The following COPB2 variants were observed in gnomAD, a reference collection of about 807,000 sequenced individuals.
COPB2 encodes the protein coat protein complex I subunit beta 2.
COPB2 carries 16 observed loss-of-function variants against 120.8 expected under a neutral mutation model. That is an observed-to-expected ratio of 0.13 (90% confidence interval 0.09 to 0.20). The LOEUF is 0.20. Ranked by LOEUF, COPB2 falls within the 10% of genes least tolerant of loss-of-function variation. The probability of loss-of-function intolerance (pLI) is 1.00; values close to 1 mark genes in which losing one functional copy is unlikely to be tolerated. For missense variants in COPB2, 794 were observed against 1,076.5 expected (o/e 0.74, Z 3.67); for synonymous variants, 332 against 366.3 (o/e 0.91, Z 1.07).
At position 139,357,591 on chromosome 3, in the gene COPB2, T is replaced by C. The variant is rs1941313579; in HGVS notation, c.*272A>G. The C allele has an allele frequency of 7.1e-6, 2 of 280,850 alleles. No homozygotes were observed. Among genetic ancestry groups the C allele is most frequent in the Non-Finnish European group, 1.3e-5 (2 of 152,698 alleles). The allele number at this position is 280,850 out of a possible 1,614,324, so 17.4% of individuals were successfully genotyped here. A position where few individuals can be genotyped will look rare whatever the true frequency, so the allele number is the denominator to read the frequency against. ...TTGAGAAAGGAAACAAGTACCTTCA[T>C]TAATTCAAAAGGTTTTATGAGATAT... On this transcript the variant is annotated 3_prime_UTR_variant, in exon 22 of 22. Coordinates refer to ENST00000333188, the MANE Select transcript of COPB2 (RefSeq NM_004766.3).
In COPB2 at chr3:139,362,514, A is replaced by G; in HGVS notation, c.1888T>C (p.Phe630Leu). The change falls in exon 16 of 22, where the codon TTC (phenylalanine) becomes CTC (leucine). Residue 630 changes from phenylalanine (F) to leucine (L), a missense_variant. Phe to Leu is a conservative substitution (Grantham distance 22, BLOSUM62 0). Coordinates refer to ENST00000333188, the MANE Select transcript of COPB2 (RefSeq NM_004766.3). The part of the protein sequence containing the change: ...RVAHFLEKQG[F>L]KQQALTVSTD... The stretch of plus-strand genomic sequence containing the variant: ...GATACTGTAAGAGCTTGCTGCTTGA[A>G]GCCCTAAACAGATTTTTAAAAATTA... 1 of 1,591,318 alleles carries G rather than the reference A, an allele frequency of 6.3e-7. No individual in the cohort carries two copies. The highest frequency in any genetic ancestry group is 1.2e-5 in the South Asian group (1 of 85,982).
At chr3:139,368,472 A>G (rs1161220838) in intron 12 of COPB2, among the ~76,000 whole-genome samples, 184 bp from the exon 13 acceptor site, 1 of 152,232 alleles carries the variant, frequency 6.6e-6, no homozygotes, top group Non-Finnish European at 1.5e-5. Flanking sequence ...TATTTAGCCT[A>G]GCAATGGAAA....
At chr3:139,358,528 AATT>A (rs1226801984) in intron 20 of COPB2, 1 of 600,650 alleles carries the variant, frequency 1.7e-6, no homozygotes, top group African/African-American at 1.9e-5. Flanking sequence ...AATACAAAAA[AATT>A]AGCCGGACCG....
chr3:139,374,339 C>T, intron 7 of COPB2, 150 bp downstream of exon 7: 1 of 587,880 alleles, frequency 1.7e-6, no homozygotes, highest in East Asian at 2.9e-5. Flanking sequence ...GAAAATAATG[C>T]CCCTTTACTC....
At chr3:139,370,189 T>C (rs149641505) in intron 10 of COPB2, among the ~76,000 whole-genome samples, 57 of 152,354 alleles carry the variant, frequency 3.7e-4, no homozygotes, top group African/African-American at 1.3e-3. Context: ...ACATGAACAG[T>C]AGTCCTCCCT....
At chr3:139,373,878 G>A (rs1941669592) in intron 7 of COPB2, 70 bp from the exon 8 acceptor site, 1 of 1,569,764 alleles carries the variant, frequency 6.4e-7, no homozygotes, top group Non-Finnish European at 8.7e-7. Flanking sequence ...AGGTGAAAGA[G>A]ACCCATAGAA....
Position 139,373,343 on chromosome 3 carries a change from C to T in COPB2, c.964G>A (p.Val322Ile). The T allele has an allele frequency of 6.2e-7, 1 of 1,614,194 alleles. No individual in the cohort carries two copies. The highest frequency in any genetic ancestry group is 8.5e-7 in the Non-Finnish European group (1 of 1,180,034). The change falls in exon 9 of 22, where the codon GTC becomes ATC. Residue 322 changes from valine to isoleucine, a missense_variant. Around this residue, in one of 3 missense-constraint regions of COPB2, gnomAD observed 610 missense variants for 866.7 expected, o/e 0.70. Coordinates refer to ENST00000333188, the MANE Select transcript of COPB2 (RefSeq NM_004766.3). ...ATTGCTTTTAGGTTGGCCTGCTGGA[C>T]TTCTGAATGCTTGGCCCAAATTATC... The part of the protein sequence containing the change: ...GKIIWAKHSE[V>I]QQANLKAMGD...
At chr3:139,359,824 A>G (rs1941376877) in intron 17 of COPB2, among the ~76,000 whole-genome samples, 1 of 152,028 alleles carries the variant, frequency 6.6e-6, no homozygotes, top group Non-Finnish European at 1.5e-5. Flanking sequence ...AAGTTTTATG[A>G]TGTGGACAAT....
chr3:139,382,554 T>C (rs1297634722), intron 2 of COPB2: 1 of 152,266 alleles, frequency 6.6e-6, no homozygotes, highest in East Asian at 1.9e-4. Flanking sequence ...TATAAAGGTG[T>C]TTTTAGGTTT....
intron 12 of COPB2, 41 bp from the exon 13 acceptor site, chr3:139,368,329 T>C: frequency 6.3e-7 from 1 of 1,583,768 alleles, no homozygotes; most frequent in Non-Finnish European, 8.6e-7. Context: ...TTTGGATTTC[T>C]GAGTGGATAT....
Position 139,389,565 on chromosome 3 carries a change from A to G in COPB2, c.-15T>C. The G allele has an allele frequency of 6.4e-7, 1 of 1,574,634 alleles. No homozygotes were observed. Among genetic ancestry groups the G allele is most frequent in the Non-Finnish European group, 8.7e-7 (1 of 1,153,212 alleles). ...GGACCTACCATGGCTGCGTCGGTCC[A>G]ATCCCGGGAACCCTCGTTTGTTACC... is the stretch of plus-strand genomic sequence containing the variant. On this transcript the variant is annotated 5_prime_UTR_variant, in exon 1 of 22. Coordinates refer to ENST00000333188, the MANE Select transcript of COPB2 (RefSeq NM_004766.3).
At chr3:139,379,488 C>A in intron 2 of COPB2, 22 bp from the exon 3 acceptor site, 1 of 1,592,600 alleles carries the variant, frequency 6.3e-7, no homozygotes, top group Non-Finnish European at 8.6e-7. Context: ...AACAAGAATA[C>A]ACAAATTGAG....
intron 7 of COPB2, 191 bp downstream of exon 7, chr3:139,374,292 TGATGAC>T (rs1206049076): frequency 5.8e-6 from 3 of 518,282 alleles, no homozygotes; most frequent in South Asian, 4.8e-5. Flanking sequence ...TACATGAGAA[TGATGAC>T]GATGATGATG....
intron 1 of COPB2, among the ~76,000 whole-genome samples, chr3:139,388,842 T>C (rs894975894): frequency 6.6e-6 from 1 of 151,820 alleles, no homozygotes; most frequent in East Asian, 1.9e-4. Flanking sequence ...GATATTCTTA[T>C]ACTATCGTTT....
chr3:139,388,208 G>A (rs1941961054), intron 1 of COPB2: 1 of 152,106 alleles, frequency 6.6e-6, no homozygotes. Context: ...AATACGAAGT[G>A]CTCTAATTAA....
At chr3:139,369,755 TGA>T (rs1446883664) in intron 10 of COPB2, among the ~76,000 whole-genome samples, 1 of 152,240 alleles carries the variant, frequency 6.6e-6, no homozygotes, top group Non-Finnish European at 1.5e-5. Context: ...GTGTATGACA[TGA>T]ATTACTAGGG....
At chr3:139,361,346 C>A (rs1270966650) in intron 16 of COPB2, 51 bp from the exon 17 acceptor site, 1 of 1,525,000 alleles carries the variant, frequency 6.6e-7, no homozygotes, top group Admixed American at 1.7e-5. Context: ...TAAGCATTTA[C>A]ATTTCCAACA....
chr3:139,362,439 TTAACTCTCC>T lies in COPB2; in HGVS notation c.1954_1962del (p.Gly652_Leu654del). The T allele has an allele frequency of 6.2e-7, 1 of 1,612,120 alleles. No individual in the cohort carries two copies. The highest frequency in any genetic ancestry group is 8.5e-7 in the Non-Finnish European group (1 of 1,179,014). ...TCCACTGCTAACTGGTATGCAATTT[TTAACTCTCC>T]AAGCTGAAGAGCAAGCTCAAAACGA... On this transcript the variant is annotated inframe_deletion, in exon 16 of 22. Transcript: ENST00000333188.
At chr3:139,374,706 A>C (rs1342514069) in intron 6 of COPB2, 118 bp from the exon 7 acceptor site, 8 of 610,004 alleles carry the variant, frequency 1.3e-5, no homozygotes, top group African/African-American at 1.9e-5. Flanking sequence ...AATCTAAATA[A>C]TATCCAATAT....
Sources: allele counts gnomAD v4.1 joint callset (sites outside exome capture counted in the v4.1 genomes callset), GRCh38; gene constraint gnomAD v4.1.1; regional missense constraint gnomAD v4.1.1; transcripts MANE v1.5; gene names NCBI Gene and HGNC (gene_info 2026-07-23, HGNC 2026-07-21).